Variants in SUPT3H observed in about 807,000 individuals in gnomAD.
SUPT3H encodes SPT3 homolog, SAGA and STAGA complex component, also known as transcription initiation protein SPT3 homolog.
SUPT3H carries 44 observed loss-of-function variants against 44.3 expected under a neutral mutation model. The ratio of observed to expected loss-of-function variants is 0.99; its 90% CI spans 0.78 to 1.28. The LOEUF (loss-of-function observed/expected upper bound fraction) is 1.28, where lower values mean the gene tolerates loss of function less well. SUPT3H is among the 50% of genes most tolerant of loss of function. The pLI is 0.00. For missense variants in SUPT3H, 380 were observed against 387.1 expected, an observed-to-expected ratio of 0.98 and a Z score of 0.15; for synonymous variants, 124 against 125.6, an observed-to-expected ratio of 0.99 and a Z score of 0.09.
chr6:45,026,830 G>A (rs1337648594), intron 3 of SUPT3H, among the ~76,000 whole-genome samples: 1 of 152,028 alleles, frequency 6.6e-6, no homozygotes, highest in Non-Finnish European at 1.5e-5. Context: ...CTTTACCTAT[G>A]AAATATAATT....
At chr6:45,057,415 A>G (rs1256565450) in intron 3 of SUPT3H, among the ~76,000 whole-genome samples, 4 of 152,132 alleles carry the variant, frequency 2.6e-5, no homozygotes, top group African/African-American at 7.2e-5. Flanking sequence ...TTCTTAAAAA[A>G]GAATTGGAAC....
chr6:44,840,179 T>A, intron 10 of SUPT3H, among the ~76,000 whole-genome samples: 1 of 152,252 alleles, frequency 6.6e-6, no homozygotes, highest in Non-Finnish European at 1.5e-5. Context: ...ATTCTATTCA[T>A]GTAGCAGTCA....
chr6:44,822,219 A>AT (rs1481293915), downstream of SUPT3H, among the ~76,000 whole-genome samples: 5 of 152,176 alleles, frequency 3.3e-5, no homozygotes, highest in Admixed American at 3.3e-4. Flanking sequence ...CTTGATTTTC[A>AT]TAGGTGCCAA....
intron 11 of SUPT3H, among the ~76,000 whole-genome samples, chr6:44,817,101 T>C (rs1203525036): frequency 3.4e-5 from 2 of 59,036 alleles, no homozygotes; most frequent in African/African-American, 8.8e-5. Flanking sequence ...AATATACACA[T>C]ACATATTCAC....
chr6:45,357,156 G>T (rs12213644), intron 2 of SUPT3H, among the ~76,000 whole-genome samples: 33,115 of 151,748 alleles, frequency 0.22, 4,408 homozygotes, highest in Non-Finnish European at 0.31. Context: ...ACAGGCACCC[G>T]CCACCAAGCC....
chr6:45,202,853 A>G (rs1218839710), intron 2 of SUPT3H, among the ~76,000 whole-genome samples: 3 of 152,126 alleles, frequency 2.0e-5, no homozygotes, highest in Non-Finnish European at 4.4e-5. Flanking sequence ...AGGTGCAGAT[A>G]TTCATAATGT....
At chr6:45,268,337 C>A (rs1775581450) in intron 2 of SUPT3H, among the ~76,000 whole-genome samples, 1 of 152,100 alleles carries the variant, frequency 6.6e-6, no homozygotes, top group Non-Finnish European at 1.5e-5. Flanking sequence ...ACTTGAATGT[C>A]AAATATTTTT....
At chr6:45,192,088 C>T (rs190723326) in intron 2 of SUPT3H, among the ~76,000 whole-genome samples, 78 of 152,232 alleles carry the variant, frequency 5.1e-4, no homozygotes, top group Middle Eastern at 6.8e-3. Flanking sequence ...ATAAGTTTTT[C>T]GTATCTGTTA....
chr6:44,936,945 G>A (rs536246252), intron 9 of SUPT3H, among the ~76,000 whole-genome samples: 1 of 152,000 alleles, frequency 6.6e-6, no homozygotes, highest in South Asian at 2.1e-4. Context: ...GGAATTACAG[G>A]CATGAGCCAC....
intron 2 of SUPT3H, among the ~76,000 whole-genome samples, chr6:45,336,745 T>C (rs561422276): frequency 4.6e-5 from 7 of 151,592 alleles, no homozygotes; most frequent in East Asian, 1.9e-4. Flanking sequence ...ACATATTAGA[T>C]GTACAAAAAG....
At chr6:44,851,995 C>G (rs1204552843) in intron 10 of SUPT3H, among the ~76,000 whole-genome samples, 1 of 152,128 alleles carries the variant, frequency 6.6e-6, no homozygotes, top group African/African-American at 2.4e-5. Context: ...TTGGCGTTTC[C>G]TACAAATTTG....
intron 2 of SUPT3H, among the ~76,000 whole-genome samples, chr6:45,184,774 G>C (rs1302356173): frequency 3.3e-5 from 2 of 61,372 alleles, no homozygotes; most frequent in Non-Finnish European, 6.2e-5. Flanking sequence ...AACAGGCAGA[G>C]GAAAAAAAAA....
chr6:44,918,418 T>G (rs1486865648), intron 10 of SUPT3H, among the ~76,000 whole-genome samples: 1 of 152,184 alleles, frequency 6.6e-6, no homozygotes, highest in Non-Finnish European at 1.5e-5. Flanking sequence ...CTTCATCACT[T>G]TAGTCTGGAC....
At chr6:44,824,936 C>A (rs370353065), downstream of SUPT3H, among the ~76,000 whole-genome samples, 1 of 152,290 alleles carries the variant, frequency 6.6e-6, no homozygotes, top group African/African-American at 2.4e-5. Flanking sequence ...AATTAATGAG[C>A]AAGCCTTTAA....
chr6:45,298,215 T>A (rs1388101820), intron 2 of SUPT3H, among the ~76,000 whole-genome samples: 1 of 152,150 alleles, frequency 6.6e-6, no homozygotes, highest in East Asian at 1.9e-4. Flanking sequence ...AAAGAACGAA[T>A]AGGAACACGA....
intron 9 of SUPT3H, among the ~76,000 whole-genome samples, chr6:44,949,861 T>C (rs1774007979): frequency 6.6e-6 from 1 of 152,194 alleles, no homozygotes; most frequent in South Asian, 2.1e-4. Flanking sequence ...TACAACCTGT[T>C]TGGAAAAAAA....
At chr6:45,310,674 G>A (rs1783805576) in intron 2 of SUPT3H, among the ~76,000 whole-genome samples, 1 of 152,126 alleles carries the variant, frequency 6.6e-6, no homozygotes, top group African/African-American at 2.4e-5. Context: ...ACCCAGAAGA[G>A]AGAAAACAAT....
At chr6:45,246,411 T>C (rs969729554) in intron 2 of SUPT3H, among the ~76,000 whole-genome samples, 2 of 152,198 alleles carry the variant, frequency 1.3e-5, no homozygotes, top group Non-Finnish European at 2.9e-5. Context: ...GCTCTTACAT[T>C]CAGGTCTTTT....
chr6:45,332,788 A>G (rs1279824446), intron 2 of SUPT3H, among the ~76,000 whole-genome samples: 1 of 151,814 alleles, frequency 6.6e-6, no homozygotes, highest in Non-Finnish European at 1.5e-5. Flanking sequence ...TAAAATTGTA[A>G]TTATGGCAAA....
Sources: gnomAD v4.1 joint callset for allele counts (sites outside exome capture counted in the v4.1 genomes callset) on GRCh38, gnomAD v4.1.1 for gene constraint, MANE v1.5 for transcripts, NCBI Gene and HGNC (gene_info 2026-07-23, HGNC 2026-07-21) for gene names.